Variants in FGF12 observed in about 807,000 individuals in gnomAD.
FGF12 encodes fibroblast growth factor 12, also known as fibroblast growth factor 12B.
A neutral mutation model predicts 23.6 loss-of-function variants in FGF12; 14 were observed. The observed-to-expected ratio is 0.59, with a 90% confidence interval of 0.39 to 0.93. The LOEUF (loss-of-function observed/expected upper bound fraction) is 0.93, where lower values mean the gene tolerates loss of function less well. FGF12 is among the 40% of genes least tolerant of loss of function. The pLI is 0.00. For synonymous variants in FGF12, 62 were observed against 77.3 expected (o/e 0.80, Z 1.04); for missense variants, 175 against 217.8 (o/e 0.80, Z 1.24).
intron 4 of FGF12, among the ~76,000 whole-genome samples, chr3:192,305,013 AGAG>A (rs1322753617): frequency 2.0e-5 from 3 of 152,318 alleles, no homozygotes; most frequent in Non-Finnish European, 4.4e-5. Context: ...GGATGGAGAA[AGAG>A]GAGGAGGATT....
chr3:192,590,038 T>C (rs1216117506), intron 2 of FGF12, among the ~76,000 whole-genome samples: 1 of 151,818 alleles, frequency 6.6e-6, no homozygotes, highest in Non-Finnish European at 1.5e-5. Flanking sequence ...TTTTTTTTAA[T>C]TGCTCAAGGG....
intron 2 of FGF12, among the ~76,000 whole-genome samples, chr3:192,499,571 G>A (rs1464785180): frequency 2.7e-5 from 3 of 111,860 alleles, no homozygotes; most frequent in Non-Finnish European, 5.0e-5. Flanking sequence ...TTGCTCGGTC[G>A]CCCAGGCTGG....
intron 2 of FGF12, among the ~76,000 whole-genome samples, chr3:192,617,228 A>G (rs1714791772): frequency 6.6e-6 from 1 of 152,100 alleles, no homozygotes; most frequent in Non-Finnish European, 1.5e-5. Context: ...AGAATAGGCT[A>G]GGGATATATT....
intron 4 of FGF12, among the ~76,000 whole-genome samples, chr3:192,216,447 A>C (rs1718197418): frequency 6.6e-6 from 1 of 152,184 alleles, no homozygotes; most frequent in Non-Finnish European, 1.5e-5. Context: ...ATGGAAAGTA[A>C]ATGAATTTGC....
chr3:192,352,182 T>TATCTATC lies in FGF12; in HGVS notation c.124+8245_124+8246insGATAGAT, dbSNP rs1401044877. On this transcript the variant is annotated intron_variant, in intron 3 of 5. Transcript: ENST00000445105. ...AGATGATAGAAAGTTTGAATTTCAG[T>TATCTATC]GTCTACAGACCTCTGCTTTCCCTAT... 3.6e-3 allele frequency among the ~76,000 whole-genome samples: 554 copies of TATCTATC among 152,306 alleles called. 1 individual carries two copies. The highest frequency in any genetic ancestry group is 0.012 in the African/African-American group (512 of 41,576).
chr3:192,577,113 G>C (rs536981932), intron 2 of FGF12, among the ~76,000 whole-genome samples: 1 of 152,202 alleles, frequency 6.6e-6, no homozygotes, highest in East Asian at 1.9e-4. Context: ...TAGATGATGG[G>C]TTAATGGGTG....
chr3:192,662,360 A>G (rs899122935), intron 2 of FGF12, among the ~76,000 whole-genome samples: 2 of 152,212 alleles, frequency 1.3e-5, no homozygotes, highest in Admixed American at 1.3e-4. Context: ...ATTCATTTTC[A>G]TAAATCTGAA....
chr3:192,247,765 A>T (rs923129451), intron 4 of FGF12, among the ~76,000 whole-genome samples: 7 of 152,200 alleles, frequency 4.6e-5, no homozygotes, highest in African/African-American at 1.7e-4. Flanking sequence ...GGCTTCCAGG[A>T]GAGATGAAGG....
intron 4 of FGF12, among the ~76,000 whole-genome samples, chr3:192,275,742 G>C (rs1225125904): frequency 6.6e-6 from 1 of 152,076 alleles, no homozygotes; most frequent in Non-Finnish European, 1.5e-5. Context: ...ATGTACTTTG[G>C]GGACAAAATG....
At chr3:192,644,396 G>A (rs1374779908) in intron 2 of FGF12, among the ~76,000 whole-genome samples, 3 of 151,870 alleles carry the variant, frequency 2.0e-5, no homozygotes, top group Non-Finnish European at 4.4e-5. Flanking sequence ...CCCTGTTGTC[G>A]TATATTTGTG....
At chr3:192,198,990 A>G (rs751551873) in intron 4 of FGF12, among the ~76,000 whole-genome samples, 7 of 152,256 alleles carry the variant, frequency 4.6e-5, no homozygotes, top group Non-Finnish European at 1.0e-4. Flanking sequence ...TAGGTTAATC[A>G]GGAGAAACAA....
At chr3:192,697,225 A>G (rs1007803095) in intron 2 of FGF12, among the ~76,000 whole-genome samples, 28 of 152,180 alleles carry the variant, frequency 1.8e-4, no homozygotes, top group Non-Finnish European at 3.5e-4. Context: ...CCTTGTAGAA[A>G]AACACACAGC....
intron 2 of FGF12, among the ~76,000 whole-genome samples, chr3:192,695,019 T>C (rs1250438001): frequency 6.6e-6 from 1 of 152,060 alleles, no homozygotes; most frequent in African/African-American, 2.4e-5. Context: ...AGATTTTAGG[T>C]GTTCTTAACA....
At chr3:192,435,941 T>C (rs1722010988) in intron 2 of FGF12, among the ~76,000 whole-genome samples, 2 of 152,300 alleles carry the variant, frequency 1.3e-5, no homozygotes. Flanking sequence ...GAATATTTAT[T>C]TTGAAGAATA....
intron 2 of FGF12, among the ~76,000 whole-genome samples, chr3:192,585,974 GA>G (rs1398872588): frequency 8.6e-5 from 13 of 152,022 alleles, no homozygotes; most frequent in African/African-American, 2.7e-4. Flanking sequence ...ATATTGTATT[GA>G]AAAAATTTTT....
At chr3:192,262,617 T>A (rs563950516) in intron 4 of FGF12, among the ~76,000 whole-genome samples, 1 of 152,234 alleles carries the variant, frequency 6.6e-6, no homozygotes, top group Non-Finnish European at 1.5e-5. Flanking sequence ...CCACACCATA[T>A]GGGTTTGTAG....
At chr3:192,454,186 G>A (rs1456914482) in intron 2 of FGF12, among the ~76,000 whole-genome samples, 4 of 151,974 alleles carry the variant, frequency 2.6e-5, no homozygotes, top group Admixed American at 2.0e-4. Flanking sequence ...CTATAGGTGC[G>A]TGCCACCATG....
intron 5 of FGF12, among the ~76,000 whole-genome samples, chr3:192,149,488 C>T (rs1382051257): frequency 8.7e-6 from 1 of 115,160 alleles, no homozygotes; most frequent in East Asian, 2.8e-4. Flanking sequence ...CAACAGTCCC[C>T]AGAGTGTGAT....
At position 192,652,576 on chromosome 3, in the gene FGF12, A is replaced by C. The variant is rs80182559; in HGVS notation, c.13+74605T>G. Among the ~76,000 whole-genome samples, 21 of 152,308 alleles carry C rather than the reference A, an allele frequency of 1.4e-4. 1 individual carries two copies. In the East Asian group the frequency reaches 3.1e-3, roughly 22 times the overall value. ...GGAATATCCTTAAGAACGGTTCTCAAAGTGTGGTGCCCAAATCAACAGCCT... is the reference window on the plus strand; with the variant it reads ...GGAATATCCTTAAGAACGGTTCTCACAGTGTGGTGCCCAAATCAACAGCCT... On this transcript the variant is annotated intron_variant, in intron 2 of 5. Coordinates refer to ENST00000445105, the MANE Select transcript of FGF12 (RefSeq NM_004113.6).
Sources: gnomAD v4.1 joint callset for allele counts (sites outside exome capture counted in the v4.1 genomes callset) on GRCh38, gnomAD v4.1.1 for gene constraint, MANE v1.5 for transcripts, NCBI Gene and HGNC (gene_info 2026-07-23, HGNC 2026-07-21) for gene names.